PAG1: variants seen among roughly 807,000 people sequenced by gnomAD.
The protein encoded by PAG1 is phosphoprotein associated with glycosphingolipid-enriched microdomains 1.
Under a neutral mutation model 31.7 loss-of-function variants are expected in PAG1, and 23 were observed. The ratio of observed to expected loss-of-function variants is 0.73; its 90% CI spans 0.52 to 1.03. The LOEUF (loss-of-function observed/expected upper bound fraction) is 1.03. PAG1 is among the 50% of genes least tolerant of loss of function. PAG1 has a pLI of 0.00. For synonymous variants in PAG1, 214 were observed against 210.3 expected (o/e 1.02, Z -0.15); for missense variants, 473 against 540.7 (o/e 0.87, Z 1.24).
At chr8:81,060,400 GTTGA>G (rs1468323108) in intron 2 of PAG1, among the ~76,000 whole-genome samples, 1 of 152,128 alleles carries the variant, frequency 6.6e-6, no homozygotes, top group African/African-American at 2.4e-5. Context: ...TTTCTTACAG[GTTGA>G]TTATTTTTTT....
chr8:81,038,165 T>C (rs1808493477), intron 2 of PAG1, among the ~76,000 whole-genome samples: 2 of 152,206 alleles, frequency 1.3e-5, no homozygotes, highest in African/African-American at 4.8e-5. Context: ...TGGGTATGCA[T>C]GTCGGCGGGG....
In PAG1 at chr8:80,969,355, T is replaced by G. The variant is rs1015081558; in HGVS notation, c.*7189A>C. 6.6e-6 allele frequency: 1 copy of G among 152,164 alleles called. No homozygotes were observed. Among genetic ancestry groups the G allele is most frequent in the African/African-American group, 2.4e-5 (1 of 41,432 alleles). The allele number at this position is 152,164 out of a possible 1,614,324, so 9.4% of individuals were successfully genotyped here. Reference sequence around the variant, plus strand: ...AGGAATGCTCAAAATCCTCAACCCATAGACTCAGGCTTTTGGTCCCAGCCT... The same window carrying G: ...AGGAATGCTCAAAATCCTCAACCCAGAGACTCAGGCTTTTGGTCCCAGCCT... On this transcript the variant is annotated 3_prime_UTR_variant, in exon 9 of 9. Transcript: ENST00000220597.
intron 2 of PAG1, among the ~76,000 whole-genome samples, chr8:81,051,098 C>T (rs763730755): frequency 6.6e-6 from 1 of 152,096 alleles, no homozygotes; most frequent in Non-Finnish European, 1.5e-5. Context: ...GGTTTTTCTC[C>T]ATCCATCTGT....
chr8:81,018,732 T>C (rs1196156334), intron 3 of PAG1, among the ~76,000 whole-genome samples: 2 of 152,190 alleles, frequency 1.3e-5, no homozygotes, highest in Non-Finnish European at 2.9e-5. Context: ...GTAACTGTGA[T>C]TCCATTAAAC....
At chr8:81,020,142 G>A (rs967531183) in intron 3 of PAG1, among the ~76,000 whole-genome samples, 2 of 152,144 alleles carry the variant, frequency 1.3e-5, no homozygotes, top group Non-Finnish European at 2.9e-5. Flanking sequence ...CATTATATCT[G>A]GGAAATAACT....
chr8:81,085,939 T>C (rs17570887), intron 1 of PAG1, among the ~76,000 whole-genome samples: 65,661 of 149,004 alleles, frequency 0.44, 16,420 homozygotes, highest in East Asian at 0.66. Context: ...ATTCTAATTC[T>C]TCTAGCAAGT....
intron 1 of PAG1, among the ~76,000 whole-genome samples, chr8:81,087,486 T>G (rs1809378873): frequency 6.6e-6 from 1 of 152,228 alleles, no homozygotes; most frequent in Non-Finnish European, 1.5e-5. Flanking sequence ...GCATATTCTT[T>G]GCATTGTGTT....
chr8:80,979,646 A>G (rs928028939), intron 8 of PAG1, among the ~76,000 whole-genome samples: 1 of 152,170 alleles, frequency 6.6e-6, no homozygotes, highest in Non-Finnish European at 1.5e-5. Flanking sequence ...TCAGAGTCCT[A>G]TAGGAAGTGA....
chr8:81,068,755 TA>T (rs1229704162), intron 2 of PAG1, among the ~76,000 whole-genome samples: 4 of 152,120 alleles, frequency 2.6e-5, no homozygotes, highest in Non-Finnish European at 5.9e-5. Flanking sequence ...TCAGATGGAG[TA>T]AAACTCAAGA....
intron 2 of PAG1, chr8:81,036,940 G>T (rs967521570): frequency 6.6e-6 from 1 of 152,006 alleles, no homozygotes. Flanking sequence ...TTAAAAGAGG[G>T]TTTTCTGGGT....
At chr8:81,017,793 C>A (rs141567908) in intron 3 of PAG1, among the ~76,000 whole-genome samples, 41 of 152,236 alleles carry the variant, frequency 2.7e-4, no homozygotes, top group Middle Eastern at 3.4e-3. Context: ...AAAAAAATAC[C>A]TCCAGAGATA....
intron 1 of PAG1, among the ~76,000 whole-genome samples, chr8:81,086,017 T>C (rs1809348904): frequency 7.8e-6 from 1 of 128,722 alleles, no homozygotes; most frequent in Non-Finnish European, 1.6e-5. Context: ...AGTCTCGCTC[T>C]GTCGCCCAGG....
At chr8:80,996,427 C>A (rs1807674381) in intron 3 of PAG1, among the ~76,000 whole-genome samples, 1 of 152,212 alleles carries the variant, frequency 6.6e-6, no homozygotes, top group Admixed American at 6.5e-5. Flanking sequence ...CCTGGTCTCT[C>A]TCTCTTTTTT....
chr8:81,014,032 C>T (rs904660658), intron 3 of PAG1, among the ~76,000 whole-genome samples: 3 of 152,116 alleles, frequency 2.0e-5, no homozygotes, highest in South Asian at 2.1e-4. Flanking sequence ...AAAATCATTG[C>T]GGTAATTTAA....
intron 2 of PAG1, among the ~76,000 whole-genome samples, chr8:81,054,018 G>A (rs1808774858): frequency 6.6e-6 from 1 of 152,138 alleles, no homozygotes; most frequent in Non-Finnish European, 1.5e-5. Flanking sequence ...GAGTGTGCCT[G>A]TGTTCCAATA....
chr8:81,058,935 T>C (rs569789156), intron 2 of PAG1, among the ~76,000 whole-genome samples: 1 of 152,308 alleles, frequency 6.6e-6, no homozygotes, highest in African/African-American at 2.4e-5. Flanking sequence ...ATAAGTGTTC[T>C]ATATAACTAT....
chr8:80,980,457 T>C lies in PAG1; in HGVS notation c.914A>G (p.Asp305Gly). Residue 305 changes from aspartate to glycine, a missense_variant, in exon 8 of 9, where the codon GAC becomes GGC. Asp to Gly is a moderately conservative substitution (Grantham distance 94, BLOSUM62 -1). Transcript: ENST00000220597. ...SSLSYKSREE[D>G]PTLTEEEISA... ...TACCTCTTCTTCTGTGAGAGTGGGG[T>C]CTTCTTCCCGAGACTTGTATGACAA... The C allele has an allele frequency of 6.2e-7, 1 of 1,605,526 alleles. No homozygotes were observed. The highest frequency in any genetic ancestry group is 8.5e-7 in the Non-Finnish European group (1 of 1,172,290).
chr8:80,978,711 G>T (rs1479198608), intron 8 of PAG1, among the ~76,000 whole-genome samples: 2 of 152,228 alleles, frequency 1.3e-5, no homozygotes, highest in African/African-American at 2.4e-5. Context: ...AACCTAGTGT[G>T]CAGAGGGTCT....
At chr8:80,996,596 C>A (rs1807677827) in intron 3 of PAG1, among the ~76,000 whole-genome samples, 1 of 152,176 alleles carries the variant, frequency 6.6e-6, no homozygotes, top group African/African-American at 2.4e-5. Context: ...GGTGGACCGG[C>A]TCCTCCCCTG....
Sources: gnomAD v4.1 joint callset for allele counts (sites outside exome capture counted in the v4.1 genomes callset) on GRCh38, gnomAD v4.1.1 for gene constraint, MANE v1.5 for transcripts, NCBI Gene and HGNC (gene_info 2026-07-23, HGNC 2026-07-21) for gene names.